Variants in NKTR observed in about 807,000 individuals in gnomAD.
The protein encoded by NKTR is natural killer cell triggering receptor, also known as NK-tumor recognition protein.
In NKTR, 67 loss-of-function variants were observed where a neutral mutation model predicts 156.3. That is an observed-to-expected ratio of 0.43 (90% CI 0.35 to 0.53). NKTR has a LOEUF of 0.53. Among genes scored for constraint, NKTR ranks in the 20% least tolerant of loss-of-function variants. NKTR has a pLI of 0.01. For missense variants in NKTR, 1,604 were observed against 1,730.9 expected, an observed-to-expected ratio of 0.93 and a Z score of 1.30; for synonymous variants, 640 against 596.6, an observed-to-expected ratio of 1.07 and a Z score of -1.06.
intron 6 of NKTR, among the ~76,000 whole-genome samples, chr3:42,623,203 A>G (rs779841129): frequency 1.3e-5 from 2 of 152,008 alleles, no homozygotes; most frequent in Admixed American, 6.6e-5. Flanking sequence ...TTGGACTACA[A>G]TTTTTGAGAA....
chr3:42,602,731 A>G (rs768643634), intron 2 of NKTR: 1 of 149,420 alleles, frequency 6.7e-6, no homozygotes, highest in Non-Finnish European at 1.5e-5. Flanking sequence ...GTTATTTTCT[A>G]TTAAGAATTA....
rs536219765 is a variant in NKTR, at chr3:42,648,044, G to A, written c.*2069G>A. The A allele has an allele frequency of 2.0e-5, 3 of 152,260 alleles. No homozygotes were observed. The highest frequency in any genetic ancestry group is 4.8e-5 in the African/African-American group (2 of 41,530). The allele number at this position is 152,260 out of a possible 1,614,324, so 9.4% of individuals were successfully genotyped here. A position where few individuals can be genotyped will look rare whatever the true frequency, so the allele number is the denominator to read the frequency against. On this transcript the variant is annotated 3_prime_UTR_variant, in exon 17 of 17. Transcript: ENST00000232978. ...AGTTCTTTGCTGGCTCTCAGCTGGA[G>A]GCCCCTCTCTCACCTCAAGGCTGCC...
In NKTR at chr3:42,605,995, C is replaced by T. The variant is rs373093749; in HGVS notation, c.58+4931C>T. ...CTGTTTGGTATAACAATCGGATAAG[C>T]AGGTGGGGAAGAGTGGCGTGGGAGA... On this transcript the variant is annotated intron_variant, in intron 2 of 16. Coordinates refer to ENST00000232978, the MANE Select transcript of NKTR (RefSeq NM_005385.4). 3.3e-5 allele frequency among the ~76,000 whole-genome samples: 5 copies of T among 152,220 alleles called. No homozygotes were observed. In the East Asian group the frequency reaches 9.7e-4, roughly 29 times the overall value.
At chr3:42,615,042 C>T (rs1216828116) in intron 2 of NKTR, among the ~76,000 whole-genome samples, 1 of 150,828 alleles carries the variant, frequency 6.6e-6, no homozygotes, top group Non-Finnish European at 1.5e-5. Flanking sequence ...TTGCTCCAGG[C>T]TAGAAGAGGG....
chr3:42,621,252 G>T, intron 5 of NKTR, 177 bp from the exon 6 acceptor site: 3 of 1,294,346 alleles, frequency 2.3e-6, no homozygotes, highest in East Asian at 6.6e-5. Context: ...GTATCTTTTG[G>T]CCTTTTTATG....
Position 42,634,669 on chromosome 3 carries a change from C to A in NKTR, c.986C>A (p.Ser329Tyr). 1 of 1,603,150 alleles carries A rather than the reference C, an allele frequency of 6.2e-7. No individual in the cohort carries two copies. Among genetic ancestry groups the A allele is most frequent in the Non-Finnish European group, 8.5e-7 (1 of 1,173,468 alleles). The change falls in exon 11 of 17, where the codon TCT becomes TAT. Residue 329 changes from serine to tyrosine, a missense_variant. Physicochemically the swap from Ser to Tyr is moderately radical, Grantham distance 144 (BLOSUM62 -2). Coordinates refer to ENST00000232978, the MANE Select transcript of NKTR (RefSeq NM_005385.4). ...VSDQKPSVSK[S>Y]GRKIKGRGTI... ...GATCAGAAACCATCTGTATCAAAGT[C>A]TGGACGGAAGATTAAAGGAAGGGGC...
In NKTR at chr3:42,646,041, G is replaced by A. The variant is rs1274251360; in HGVS notation, c.*66G>A. On this transcript the variant is annotated 3_prime_UTR_variant, in exon 17 of 17. Transcript: ENST00000232978. ...GGCAACTTAGCTTAAGAAATGTAAT[G>A]ACAGTCTGTTGTTCTATTTCAATAT... The A allele has an allele frequency of 9.5e-6, 11 of 1,155,956 alleles. No individual in the cohort carries two copies. The East Asian group carries it at 2.4e-4, about 25-fold the overall frequency. 71.6% of individuals were successfully genotyped at this position (1,155,956 alleles called of 1,614,324 possible).
rs1709734266 is a variant in NKTR, at chr3:42,639,893, T to C, written c.4046+143T>C. ...GTCTTGTTTTGTGTGATTCAGAGAG[T>C]AGATTGAAAACTTAGGGAGAGGGAA... On this transcript the variant is annotated intron_variant, in intron 13 of 16. Transcript: ENST00000232978. The C allele has an allele frequency of 5.6e-6, 4 of 718,258 alleles. No individual in the cohort carries two copies. In the East Asian group the frequency reaches 1.1e-4, roughly 19 times the overall value. 44.5% of individuals were successfully genotyped at this position (718,258 alleles called of 1,614,324 possible).
intron 13 of NKTR, 27 bp from the exon 14 acceptor site, chr3:42,642,474 A>G: frequency 2.0e-6 from 3 of 1,514,786 alleles, no homozygotes; most frequent in Non-Finnish European, 2.8e-6. Flanking sequence ...ACATAATTAT[A>G]TATTTTTTCA....
Position 42,637,601 on chromosome 3 carries a change from A to G in NKTR, c.1897A>G (p.Ile633Val). ...ACCTTGGAAGCCCTCTTATGAGCGAATTCAGGAAATGAAAGCTAAAACAAC... is the reference window on the plus strand; with the variant it reads ...ACCTTGGAAGCCCTCTTATGAGCGAGTTCAGGAAATGAAAGCTAAAACAAC... ...QKPWKPSYER[I>V]QEMKAKTTHL... Residue 633 changes from isoleucine (I) to valine (V), a missense_variant, in exon 13 of 17, where the codon ATT (isoleucine) becomes GTT (valine). By Grantham distance (29) the Ile-to-Val change is conservative. This residue lies in a region of NKTR where 1,255 missense variants were observed against 1,243.7 expected (regional missense o/e 1.01). Coordinates refer to ENST00000232978, the MANE Select transcript of NKTR (RefSeq NM_005385.4). 6.2e-7 allele frequency: 1 copy of G among 1,610,026 alleles called. No homozygotes were observed. Among genetic ancestry groups the G allele is most frequent in the Non-Finnish European group, 8.5e-7 (1 of 1,178,924 alleles).
intron 2 of NKTR, among the ~76,000 whole-genome samples, chr3:42,610,098 T>C (rs185539494): frequency 1.3e-5 from 2 of 152,018 alleles, no homozygotes; most frequent in Non-Finnish European, 2.9e-5. Flanking sequence ...CTCTGCCTCC[T>C]GCGTTCAAGC....
At position 42,600,715 on chromosome 3, in the gene NKTR, TGGCTGCAGTG is replaced by T. The variant is rs1705296295; in HGVS notation, c.-85_-76del. 2 of 271,850 alleles carry T rather than the reference TGGCTGCAGTG, an allele frequency of 7.4e-6. No individual in the cohort carries two copies. Among genetic ancestry groups the T allele is most frequent in the Admixed American group, 1.1e-4 (2 of 18,250 alleles). 16.8% of individuals were successfully genotyped at this position (271,850 alleles called of 1,614,324 possible). ...GCGTTCCGTTAGCGGCGTTGGGGTT[TGGCTGCAGTG>T]GCAGTGCTTTCTCTTCTGCTCACGG... On this transcript the variant is annotated 5_prime_UTR_variant, in exon 1 of 17. Coordinates refer to ENST00000232978, the MANE Select transcript of NKTR (RefSeq NM_005385.4).
chr3:42,615,288 A>G (rs1459561291), intron 2 of NKTR, among the ~76,000 whole-genome samples: 1 of 151,988 alleles, frequency 6.6e-6, no homozygotes, highest in African/African-American at 2.4e-5. Context: ...CATGTTGGCC[A>G]GGCTGATCTT....
rs766909866 is a variant in NKTR at position 42,634,747 on chromosome 3, T to A, written c.1017+47T>A. ...TTGATATTATGTATCTAATAAAAAA[T>A]TTTTACCTATTTTCAAAGTCCTAGC... is the stretch of plus-strand genomic sequence containing the variant. On this transcript the variant is annotated intron_variant, in intron 11 of 16. Coordinates refer to ENST00000232978, the MANE Select transcript of NKTR (RefSeq NM_005385.4). 7.0e-6 allele frequency: 7 copies of A among 994,956 alleles called. 1 individual carries two copies. The highest frequency in any genetic ancestry group is 1.7e-5 in the African/African-American group (1 of 60,388). 61.6% of individuals were successfully genotyped at this position (994,956 alleles called of 1,614,324 possible). A position where few individuals can be genotyped will look rare whatever the true frequency, so the allele number is the denominator to read the frequency against.
chr3:42,641,617 C>T (rs564389232), intron 13 of NKTR, among the ~76,000 whole-genome samples: 1 of 152,278 alleles, frequency 6.6e-6, no homozygotes, highest in African/African-American at 2.4e-5. Context: ...TGGTGGCTCA[C>T]ACCTGTAATC....
intron 2 of NKTR, among the ~76,000 whole-genome samples, chr3:42,616,907 C>T (rs185162518): frequency 6.6e-6 from 1 of 152,276 alleles, no homozygotes; most frequent in African/African-American, 2.4e-5. Context: ...GCATGTGCCA[C>T]CATCCCCCGC....
chr3:42,633,493 G>A lies in NKTR; in HGVS notation c.774-87G>A, dbSNP rs946078208. Reference sequence around the variant, plus strand: ...AGACTTGTAAGCTATCGTTAATTATGCTGTTGTTTTAGTAACTAATTTTAT... The same window carrying A: ...AGACTTGTAAGCTATCGTTAATTATACTGTTGTTTTAGTAACTAATTTTAT... On this transcript the variant is annotated intron_variant, in intron 9 of 16. Coordinates refer to ENST00000232978, the MANE Select transcript of NKTR (RefSeq NM_005385.4). 6 of 1,520,860 alleles carry A rather than the reference G, an allele frequency of 3.9e-6. No homozygotes were observed. In the African/African-American group the frequency reaches 4.2e-5, roughly 11 times the overall value. The allele number at this position is 1,520,860 out of a possible 1,614,324, so 94.2% of individuals were successfully genotyped here. A position where few individuals can be genotyped will look rare whatever the true frequency, so the allele number is the denominator to read the frequency against.
intron 3 of NKTR, among the ~76,000 whole-genome samples, chr3:42,618,014 T>C (rs1344181848): frequency 6.6e-6 from 1 of 151,916 alleles, no homozygotes; most frequent in Non-Finnish European, 1.5e-5. Flanking sequence ...TTTAAATAAA[T>C]AGAAAAAATG....
At chr3:42,630,954 T>C in intron 7 of NKTR, 1 of 1,405,108 alleles carries the variant, frequency 7.1e-7, no homozygotes, top group South Asian at 1.7e-5. Context: ...TAAGAACCAT[T>C]GTTTTAAAGG....
Sources: allele counts gnomAD v4.1 joint callset (sites outside exome capture counted in the v4.1 genomes callset), GRCh38; gene constraint gnomAD v4.1.1; regional missense constraint gnomAD v4.1.1; transcripts MANE v1.5; gene names NCBI Gene and HGNC (gene_info 2026-07-23, HGNC 2026-07-21).